PRKAR1B: variants seen among roughly 807,000 people sequenced by gnomAD.
The protein encoded by PRKAR1B is cAMP-dependent protein kinase type I-beta regulatory subunit.
Under a neutral mutation model 46.5 loss-of-function variants are expected in PRKAR1B, and 22 were observed. The observed-to-expected ratio is 0.47, with a 90% CI of 0.34 to 0.68. The LOEUF (loss-of-function observed/expected upper bound fraction) is 0.68. PRKAR1B is among the 30% of genes least tolerant of loss of function. PRKAR1B has a pLI of 0.01. For synonymous variants in PRKAR1B, 259 were observed against 217.7 expected (o/e 1.19, Z -1.67); for missense variants, 445 against 535.6 (o/e 0.83, Z 1.67).
chr7:618,259 T>C (rs1247890326), intron 4 of PRKAR1B, among the ~76,000 whole-genome samples: 2 of 152,212 alleles, frequency 1.3e-5, no homozygotes, highest in Non-Finnish European at 2.9e-5. Context: ...GACCATGCAT[T>C]TGGCAACACC....
chr7:561,673 C>CCTCGGGACGACAGCGA (rs552687572), intron 9 of PRKAR1B, among the ~76,000 whole-genome samples: 132 of 152,390 alleles, frequency 8.7e-4, no homozygotes, highest in African/African-American at 3.1e-3. Context: ...TGCAAACTGT[C>CCTCGGGACGACAGCGA]CTCGGGACGA....
At position 600,699 on chromosome 7, in the gene PRKAR1B, G is replaced by A. The variant is rs112880600; in HGVS notation, c.550-4395C>T. Among the ~76,000 whole-genome samples, 185 of 152,276 alleles carry A rather than the reference G, an allele frequency of 1.2e-3. 3 individuals are homozygous for A. The highest frequency in any genetic ancestry group is 7.5e-3 in the South Asian group (36 of 4,822). On this transcript the variant is annotated intron_variant, in intron 6 of 10. Coordinates refer to ENST00000537384, the MANE Select transcript of PRKAR1B (RefSeq NM_001164760.2). ...CGGAACGGCCAGCGTCAGTGGGGAC[G>A]TCGTGATGCCTGGGACGGGGAGCAA... is the stretch of plus-strand genomic sequence containing the variant.
intron 2 of PRKAR1B, among the ~76,000 whole-genome samples, chr7:693,498 CGCA>C (rs1312929011): frequency 3.3e-5 from 5 of 151,916 alleles, no homozygotes; most frequent in Admixed American, 3.3e-4. Context: ...AGCGGAATTG[CGCA>C]GCATTTGGCC....
intron 4 of PRKAR1B, among the ~76,000 whole-genome samples, chr7:664,092 C>T (rs1201245291): frequency 3.9e-5 from 6 of 152,182 alleles, no homozygotes; most frequent in Non-Finnish European, 5.9e-5. Flanking sequence ...TTACATTCCC[C>T]TCCATGGAGG....
intron 4 of PRKAR1B, among the ~76,000 whole-genome samples, chr7:617,264 A>T (rs986109302): frequency 1.4e-5 from 2 of 146,818 alleles, no homozygotes; most frequent in East Asian, 2.1e-4. Context: ...AAGTGCTGGG[A>T]TTACAGGTGT....
chr7:573,950 G>A (rs778993103), intron 9 of PRKAR1B, among the ~76,000 whole-genome samples: 55 of 152,354 alleles, frequency 3.6e-4, no homozygotes, highest in Non-Finnish European at 7.2e-4. Context: ...GGTCACACGC[G>A]GTGTGCGTGG....
chr7:580,363 G>A (rs1780102714), intron 8 of PRKAR1B, among the ~76,000 whole-genome samples: 1 of 151,770 alleles, frequency 6.6e-6, no homozygotes, highest in African/African-American at 2.4e-5. Flanking sequence ...AGACCAGCCT[G>A]GTCAACATGG....
chr7:613,103 C>CAA (rs1442997710), intron 4 of PRKAR1B, among the ~76,000 whole-genome samples: 4 of 151,668 alleles, frequency 2.6e-5, no homozygotes, highest in African/African-American at 9.7e-5. Flanking sequence ...AATAGGGTGT[C>CAA]GATGAAACTG....
chr7:627,965 G>A (rs1783506664), intron 4 of PRKAR1B, among the ~76,000 whole-genome samples: 1 of 152,130 alleles, frequency 6.6e-6, no homozygotes, highest in African/African-American at 2.4e-5. Flanking sequence ...AACATCGAAT[G>A]GGTGGGGCCC....
intron 2 of PRKAR1B, among the ~76,000 whole-genome samples, chr7:684,583 A>C (rs1778899480): frequency 6.6e-6 from 1 of 152,100 alleles, no homozygotes; most frequent in Admixed American, 6.6e-5. Context: ...CCACGGAGGG[A>C]ACGGTTCTGC....
At chr7:682,187 A>G (rs1778723696) in intron 2 of PRKAR1B, among the ~76,000 whole-genome samples, 1 of 152,112 alleles carries the variant, frequency 6.6e-6, no homozygotes, top group African/African-American at 2.4e-5. Flanking sequence ...ACCACAGATG[A>G]GCACACTCCT....
At chr7:663,177 C>T (rs373173581) in intron 4 of PRKAR1B, among the ~76,000 whole-genome samples, 15 of 152,292 alleles carry the variant, frequency 9.8e-5, no homozygotes, top group African/African-American at 3.4e-4. Context: ...ACTATCACAC[C>T]CATGAGACAA....
chr7:676,672 G>A (rs1778326454), intron 4 of PRKAR1B, among the ~76,000 whole-genome samples: 1 of 152,248 alleles, frequency 6.6e-6, no homozygotes, highest in South Asian at 2.1e-4. Context: ...ACCCCTGCGT[G>A]GTGAGCCCAC....
chr7:627,530 G>A (rs568305624), intron 4 of PRKAR1B, among the ~76,000 whole-genome samples: 29 of 152,220 alleles, frequency 1.9e-4, no homozygotes, highest in African/African-American at 6.5e-4. Flanking sequence ...CACGGCCAAC[G>A]CCACCCGGCA....
intron 4 of PRKAR1B, among the ~76,000 whole-genome samples, chr7:662,702 C>T (rs1311916835): frequency 6.6e-6 from 1 of 152,084 alleles, no homozygotes; most frequent in East Asian, 1.9e-4. Flanking sequence ...GCACAGGTCC[C>T]CACCCCAACA....
intron 2 of PRKAR1B, among the ~76,000 whole-genome samples, chr7:695,191 G>A (rs1251044870): frequency 6.6e-6 from 1 of 152,200 alleles, no homozygotes; most frequent in Non-Finnish European, 1.5e-5. Flanking sequence ...GTGATCGGCA[G>A]GTGCAGGGAT....
chr7:632,535 A>G (rs1783816973), intron 4 of PRKAR1B, among the ~76,000 whole-genome samples: 2 of 152,170 alleles, frequency 1.3e-5, no homozygotes, highest in Admixed American at 6.5e-5. Context: ...TACTCCCAGG[A>G]GCCATTCTCT....
At chr7:625,159 A>C (rs1416931627) in intron 4 of PRKAR1B, among the ~76,000 whole-genome samples, 1 of 152,248 alleles carries the variant, frequency 6.6e-6, no homozygotes, top group Admixed American at 6.5e-5. Flanking sequence ...ACTTCTAAAT[A>C]ATGCATGGGT....
intron 4 of PRKAR1B, among the ~76,000 whole-genome samples, chr7:623,371 T>C (rs1013332267): frequency 2.0e-5 from 3 of 152,202 alleles, no homozygotes; most frequent in Non-Finnish European, 4.4e-5. Flanking sequence ...GGCCAAACTT[T>C]AGTCAGGTTC....
Sources: allele counts gnomAD v4.1 joint callset (sites outside exome capture counted in the v4.1 genomes callset), GRCh38; gene constraint gnomAD v4.1.1; transcripts MANE v1.5; gene names NCBI Gene and HGNC (gene_info 2026-07-23, HGNC 2026-07-21).